RBM33: variants seen among roughly 807,000 people sequenced by gnomAD.
RBM33 encodes the protein RNA binding motif protein 33, also known as RNA-binding protein 33.
RBM33 carries 28 observed loss-of-function variants against 132.6 expected under a neutral mutation model. The observed-to-expected ratio is 0.21, with a 90% CI of 0.16 to 0.29. RBM33 has a LOEUF of 0.29. Among genes scored for constraint, RBM33 ranks in the 10% least tolerant of loss-of-function variants. RBM33 has a pLI of 1.00. For synonymous variants in RBM33, 634 were observed against 593.0 expected (o/e 1.07, Z -1.01); for missense variants, 1,291 against 1,518.5 (o/e 0.85, Z 2.49).
At chr7:155,727,816 A>C (rs962078535) in intron 9 of RBM33, among the ~76,000 whole-genome samples, 8 of 152,200 alleles carry the variant, frequency 5.3e-5, no homozygotes, top group Non-Finnish European at 1.0e-4. Context: ...CCCAGGCTGG[A>C]GTGCAGTGGT....
intron 1 of RBM33, 101 bp downstream of exon 1, chr7:155,645,020 C>A: frequency 1.2e-6 from 1 of 832,952 alleles, no homozygotes; most frequent in Non-Finnish European, 1.8e-6. Context: ...AGGCTCTCCC[C>A]GGCTCCGACT....
At chr7:155,649,337 G>A (rs1166018274) in intron 1 of RBM33, among the ~76,000 whole-genome samples, 1 of 152,066 alleles carries the variant, frequency 6.6e-6, no homozygotes, top group Non-Finnish European at 1.5e-5. Context: ...AGCCTCATGA[G>A]GAGAAAAAAT....
Position 155,644,694 on chromosome 7 carries a change from G to A in RBM33, c.-183G>A. ...GCGCGCGGCCATGTTGCGGTAGTTT[G>A]TTGTTTTCTTCCTGCGGAGGCGAAG... On this transcript the variant is annotated 5_prime_UTR_variant, in exon 1 of 18. Transcript: ENST00000401878. The A allele has an allele frequency of 2.1e-6, 1 of 470,390 alleles. No individual in the cohort carries two copies. The highest frequency in any genetic ancestry group is 3.7e-6 in the Non-Finnish European group (1 of 269,164). The allele number at this position is 470,390 out of a possible 1,614,324, so 29.1% of individuals were successfully genotyped here.
At chr7:155,647,889 T>G (rs1184071910) in intron 1 of RBM33, among the ~76,000 whole-genome samples, 1 of 152,182 alleles carries the variant, frequency 6.6e-6, no homozygotes, top group Admixed American at 6.5e-5. Flanking sequence ...AACAAATAGT[T>G]TAATGAGTTT....
intron 9 of RBM33, among the ~76,000 whole-genome samples, chr7:155,718,806 T>C (rs1363888967): frequency 6.6e-6 from 1 of 152,236 alleles, no homozygotes; most frequent in Non-Finnish European, 1.5e-5. Context: ...TGTTTGTGCA[T>C]GTGTATTGTG....
intron 6 of RBM33, 67 bp downstream of exon 6, chr7:155,701,011 A>T (rs746310963): frequency 7.3e-7 from 1 of 1,369,418 alleles, no homozygotes; most frequent in East Asian, 2.4e-5. Flanking sequence ...GTATTGCTGT[A>T]ATTAATCAAA....
intron 5 of RBM33, among the ~76,000 whole-genome samples, chr7:155,699,743 C>T (rs1799905599): frequency 6.6e-6 from 1 of 152,108 alleles, no homozygotes; most frequent in East Asian, 1.9e-4. Flanking sequence ...GGTCTTTTTA[C>T]ACAGAAAATA....
At chr7:155,665,838 A>G (rs1387425856) in intron 2 of RBM33, among the ~76,000 whole-genome samples, 1 of 152,216 alleles carries the variant, frequency 6.6e-6, no homozygotes, top group African/African-American at 2.4e-5. Context: ...GTGTTCTGGG[A>G]GAAATACACA....
intron 2 of RBM33, 46 bp from the exon 3 acceptor site, chr7:155,672,821 G>A: frequency 2.1e-6 from 3 of 1,400,260 alleles, no homozygotes; most frequent in Non-Finnish European, 2.9e-6. Context: ...AAACTTGCAA[G>A]TCTTATGGGA....
chr7:155,665,148 A>G (rs1388414366), intron 1 of RBM33, 27 bp from the exon 2 acceptor site: 1 of 1,606,514 alleles, frequency 6.2e-7, no homozygotes. Context: ...ACTTAGTAAA[A>G]CTGACTTCAA....
intron 1 of RBM33, among the ~76,000 whole-genome samples, chr7:155,653,505 T>G (rs57280995): frequency 6.7e-6 from 1 of 148,926 alleles, no homozygotes; most frequent in Non-Finnish European, 1.5e-5. Flanking sequence ...AGCTTTGGGG[T>G]GGGGGCTTGT....
chr7:155,698,308 CG>C (rs1202734808), intron 5 of RBM33, among the ~76,000 whole-genome samples: 1 of 151,820 alleles, frequency 6.6e-6, no homozygotes, highest in Admixed American at 6.6e-5. Flanking sequence ...CAGAGGTTGT[CG>C]TGAGCTGAGA....
intron 2 of RBM33, among the ~76,000 whole-genome samples, chr7:155,670,108 C>T (rs1798906427): frequency 1.3e-5 from 2 of 152,214 alleles, no homozygotes; most frequent in Admixed American, 1.3e-4. Context: ...TCCTGAAAAA[C>T]GTCTTTGAGG....
intron 14 of RBM33, among the ~76,000 whole-genome samples, chr7:155,751,412 A>T (rs1801682543): frequency 6.6e-6 from 1 of 152,166 alleles, no homozygotes; most frequent in South Asian, 2.1e-4. Flanking sequence ...CTATCATCTT[A>T]TCCATAGTAC....
rs1292629427 is a variant in RBM33 at position 155,779,984 on chromosome 7, G to GT, written c.*4949dup. 6.6e-6 allele frequency: 1 copy of GT among 152,186 alleles called. No individual in the cohort carries two copies. The highest frequency in any genetic ancestry group is 1.5e-5 in the Non-Finnish European group (1 of 68,032). The allele number at this position is 152,186 out of a possible 1,614,324, so 9.4% of individuals were successfully genotyped here. On this transcript the variant is annotated 3_prime_UTR_variant, in exon 18 of 18. Coordinates refer to ENST00000401878, the MANE Select transcript of RBM33 (RefSeq NM_053043.3). The stretch of plus-strand genomic sequence containing the variant: ...GGCCTTTAAAAAGAAACAGCATGTA[G>GT]TTTTTTATTTTAATATGTTCCATAG...
At chr7:155,691,810 C>CTTT (rs1276958025) in intron 5 of RBM33, among the ~76,000 whole-genome samples, 2 of 152,062 alleles carry the variant, frequency 1.3e-5, no homozygotes, top group Non-Finnish European at 2.9e-5. Flanking sequence ...AATCCCAGCA[C>CTTT]TTTGGGAGGC....
intron 2 of RBM33, among the ~76,000 whole-genome samples, chr7:155,670,262 C>T (rs576373773): frequency 6.6e-6 from 1 of 152,300 alleles, no homozygotes; most frequent in Non-Finnish European, 1.5e-5. Flanking sequence ...TAGAATTGAA[C>T]ACAGGAAGCC....
At position 155,763,922 on chromosome 7, in the gene RBM33, C is replaced by T. The variant is rs1185195966; in HGVS notation, c.3090C>T (p.Gly1030=). The T allele has an allele frequency of 2.6e-5, 41 of 1,605,138 alleles. No homozygotes were observed. The highest frequency in any genetic ancestry group is 3.1e-5 in the Non-Finnish European group (37 of 1,176,088). The change falls in exon 15 of 18, where the codon GGC becomes GGT. Residue 1030 remains glycine, a synonymous_variant. Coordinates refer to ENST00000401878, the MANE Select transcript of RBM33 (RefSeq NM_053043.3). The part of the protein sequence containing the change: ...PARKVTLTRG[G]LQQPPHLPAG... ...GCAAGGTGACGCTGACCAGGGGGGG[C>T]CTCCAGCAGCCCCCACATCTGCCAG...
At chr7:155,691,813 T>C (rs1799651036) in intron 5 of RBM33, among the ~76,000 whole-genome samples, 2 of 152,108 alleles carry the variant, frequency 1.3e-5, no homozygotes, top group African/African-American at 2.4e-5. Context: ...CCCAGCACTT[T>C]GGGAGGCCTA....
Sources: gnomAD v4.1 joint callset for allele counts (sites outside exome capture counted in the v4.1 genomes callset) on GRCh38, gnomAD v4.1.1 for gene constraint, MANE v1.5 for transcripts, NCBI Gene and HGNC (gene_info 2026-07-23, HGNC 2026-07-21) for gene names.